MPP2: variants seen among roughly 807,000 people sequenced by gnomAD.
MPP2 encodes the protein MAGUK p55 subfamily member 2.
A neutral mutation model predicts 58.5 loss-of-function variants in MPP2; 42 were observed. That is an observed-to-expected ratio of 0.72 (90% confidence interval 0.56 to 0.93). MPP2 has a LOEUF of 0.93. MPP2 is among the 40% of genes least tolerant of loss of function. The probability of loss-of-function intolerance (pLI) is 0.00; values close to 1 mark genes in which losing one functional copy is unlikely to be tolerated. For synonymous variants in MPP2, 300 were observed against 307.8 expected (o/e 0.97, Z 0.26); for missense variants, 632 against 760.4 (o/e 0.83, Z 1.99).
chr17:43,899,739 T>C (rs2048008847), intron 2 of MPP2, among the ~76,000 whole-genome samples: 1 of 151,784 alleles, frequency 6.6e-6, no homozygotes, highest in Non-Finnish European at 1.5e-5. Flanking sequence ...AAATGGGACA[T>C]AATGGAGGAC....
At chr17:43,906,276 G>T in intron 1 of MPP2, 1 of 313,724 alleles carries the variant, frequency 3.2e-6, no homozygotes, top group Non-Finnish European at 4.6e-6. Context: ...GGCTGGCTTT[G>T]CTCCCCCACG....
intron 2 of MPP2, among the ~76,000 whole-genome samples, chr17:43,903,995 G>A (rs929565429): frequency 2.0e-5 from 3 of 152,170 alleles, no homozygotes; most frequent in Admixed American, 2.0e-4. Flanking sequence ...TCTGGCACAT[G>A]CTGGCCTAGT....
At position 43,899,549 on chromosome 17, in the gene MPP2, C is replaced by G. The variant is rs144200166; in HGVS notation, c.32-1169G>C. Among the ~76,000 whole-genome samples the G allele has an allele frequency of 6.6e-5, 10 of 152,244 alleles. No individual in the cohort carries two copies. The South Asian group carries it at 1.0e-3, about 16-fold the overall frequency. ...GATTGGGCTAGATGATGTTTACAGG[C>G]CTTCAGCTCTGAGTGACAATGATCT... On this transcript the variant is annotated intron_variant, in intron 2 of 12. Transcript: ENST00000269095.
chr17:43,901,679 G>T, intron 2 of MPP2: 2 of 788,058 alleles, frequency 2.5e-6, no homozygotes, highest in Non-Finnish European at 3.1e-6. Context: ...TCCCAGCCTT[G>T]ATCCAAAAAA....
intron 2 of MPP2, among the ~76,000 whole-genome samples, chr17:43,899,246 CAAAAA>C (rs55886623): frequency 2.0e-5 from 3 of 149,492 alleles, no homozygotes; most frequent in Non-Finnish European, 4.4e-5. Context: ...GACTCCGTCT[CAAAAA>C]AAAAAAAAAG....
intron 2 of MPP2, chr17:43,900,586 C>T (rs759805934): frequency 2.8e-5 from 43 of 1,513,572 alleles, no homozygotes; most frequent in Non-Finnish European, 3.5e-5. Context: ...CCCGGAGCGT[C>T]CTACACGCCG....
chr17:43,906,050 C>G, intron 1 of MPP2: 150 of 936,334 alleles, frequency 1.6e-4, no homozygotes, highest in South Asian at 2.4e-4. Flanking sequence ...AGGAGGGATC[C>G]CTTCCCTCCC....
Position 43,880,727 on chromosome 17 carries a change from T to A in MPP2, c.1114A>T (p.Met372Leu). 6.2e-7 allele frequency: 1 copy of A among 1,613,684 alleles called. No homozygotes were observed. The change falls in exon 10 of 13, where the codon ATG becomes TTG. Residue 372 changes from methionine to leucine, a missense_variant. Transcript: ENST00000269095. The surrounding 1 kb of genome is among the most constrained non-coding windows in gnomAD (Gnocchi z 5.2). ...GTGCCATAGCGATCTGGATCCCACA[T>A]GATGAGCTTGTTCTTCAGGCTGCGC... is the stretch of plus-strand genomic sequence containing the variant. ...GRRSLKNKLI[M>L]WDPDRYGTTV...
chr17:43,888,509 G>A (rs977249139), intron 3 of MPP2, among the ~76,000 whole-genome samples: 21 of 152,176 alleles, frequency 1.4e-4, no homozygotes, highest in Non-Finnish European at 4.4e-5. Context: ...CCAAATAACT[G>A]AGTGTCAAGA....
chr17:43,903,810 G>T (rs551134452), intron 2 of MPP2, among the ~76,000 whole-genome samples: 1 of 152,326 alleles, frequency 6.6e-6, no homozygotes, highest in South Asian at 2.1e-4. Context: ...CTTTACAGAA[G>T]AAGAAATGCG....
intron 3 of MPP2, among the ~76,000 whole-genome samples, chr17:43,888,892 T>C (rs768928124): frequency 2.0e-5 from 3 of 152,146 alleles, no homozygotes; most frequent in Non-Finnish European, 4.4e-5. Context: ...ATTTAATCAT[T>C]CAAATACAAA....
At chr17:43,891,514 C>CAA (rs779016006) in intron 3 of MPP2, among the ~76,000 whole-genome samples, 14 of 133,060 alleles carry the variant, frequency 1.1e-4, no homozygotes, top group Non-Finnish European at 1.6e-4. Flanking sequence ...GACTCCGTCT[C>CAA]AAAAAAAAAA....
At chr17:43,907,633 C>A (rs934981438), upstream of MPP2, 1 of 985,600 alleles carries the variant, frequency 1.0e-6, no homozygotes, top group Non-Finnish European at 1.2e-6. Flanking sequence ...ACGCGGAGGC[C>A]GGCACAACTC....
At chr17:43,894,457 AC>A (rs2047749353) in intron 3 of MPP2, among the ~76,000 whole-genome samples, 2 of 135,302 alleles carry the variant, frequency 1.5e-5, no homozygotes, top group Non-Finnish European at 3.1e-5. Flanking sequence ...ACACACACAC[AC>A]ACACAAAAAT....
intron 2 of MPP2, chr17:43,900,379 C>A: frequency 6.8e-7 from 1 of 1,465,234 alleles, no homozygotes. Flanking sequence ...TGACCTCTCC[C>A]AGGCCACCCT....
chr17:43,883,129 T>C, intron 4 of MPP2, 74 bp downstream of exon 4: 1 of 1,556,294 alleles, frequency 6.4e-7, no homozygotes, highest in Admixed American at 1.9e-5. Context: ...AACTTCCTGC[T>C]GGCCCATCCA....
rs904396756 is a variant in MPP2 at position 43,896,089 on chromosome 17, A to C, written c.150+2173T>G. ...CACATCCCATGCCAGGGCCAGCCAT[A>C]GCCAGCCTGTGACAGAGTCCCCGCT... On this transcript the variant is annotated intron_variant, in intron 3 of 12. Transcript: ENST00000269095. 2.6e-5 allele frequency among the ~76,000 whole-genome samples: 4 copies of C among 152,164 alleles called. No homozygotes were observed. In the East Asian group the frequency reaches 7.7e-4, roughly 29 times the overall value.
intron 6 of MPP2, among the ~76,000 whole-genome samples, 161 bp downstream of exon 6, chr17:43,882,123 G>A (rs978580273): frequency 2.0e-5 from 3 of 152,224 alleles, no homozygotes; most frequent in African/African-American, 7.2e-5. Flanking sequence ...CAGCGGCAGA[G>A]GCCTGTCGGC....
intron 3 of MPP2, among the ~76,000 whole-genome samples, chr17:43,889,107 G>A (rs112075524): frequency 2.3e-3 from 349 of 152,050 alleles, no homozygotes; most frequent in Non-Finnish European, 3.9e-3. Flanking sequence ...TTATATTTCA[G>A]TTGAGATGAG....
Sources: allele counts gnomAD v4.1 joint callset (sites outside exome capture counted in the v4.1 genomes callset), GRCh38; gene constraint gnomAD v4.1.1; non-coding constraint Gnocchi (gnomAD v3.1); transcripts MANE v1.5; gene names NCBI Gene and HGNC (gene_info 2026-07-23, HGNC 2026-07-21).